The following LRBA variants were observed in gnomAD, a reference collection of about 807,000 sequenced individuals.
LRBA encodes the protein lipopolysaccharide-responsive and beige-like anchor protein.
Under a neutral mutation model 330.0 loss-of-function variants are expected in LRBA, and 176 were observed. That is an observed-to-expected ratio of 0.53 (90% confidence interval 0.47 to 0.60). The LOEUF (loss-of-function observed/expected upper bound fraction) is 0.60. Among genes scored for constraint, LRBA ranks in the 20% least tolerant of loss-of-function variants. LRBA has a pLI of 0.00. For missense variants in LRBA, 3,259 were observed against 3,444.8 expected, an observed-to-expected ratio of 0.95 and a Z score of 1.35; for synonymous variants, 1,230 against 1,193.0, an observed-to-expected ratio of 1.03 and a Z score of -0.64.
At chr4:150,614,066 G>A (rs986601400) in intron 37 of LRBA, among the ~76,000 whole-genome samples, 1 of 152,232 alleles carries the variant, frequency 6.6e-6, no homozygotes, top group Non-Finnish European at 1.5e-5. Flanking sequence ...CCCTTGAAAA[G>A]CATGCCATTC....
intron 2 of LRBA, among the ~76,000 whole-genome samples, chr4:150,949,965 C>T (rs1049469744): frequency 2.0e-5 from 3 of 152,128 alleles, no homozygotes; most frequent in Admixed American, 6.5e-5. Flanking sequence ...ATATATCCTA[C>T]TGACTCACAT....
chr4:150,782,340 AACTTGGTG>A (rs1738362330), intron 34 of LRBA, among the ~76,000 whole-genome samples: 1 of 152,226 alleles, frequency 6.6e-6, no homozygotes, highest in Non-Finnish European at 1.5e-5. Flanking sequence ...AATTGCCACA[AACTTGGTG>A]GCTTAAAGTA....
chr4:150,845,402 A>T (rs1376817761), intron 26 of LRBA, among the ~76,000 whole-genome samples: 3 of 152,190 alleles, frequency 2.0e-5, no homozygotes, highest in Admixed American at 6.5e-5. Flanking sequence ...TTTGATTAAT[A>T]TACAGTCTAA....
chr4:150,392,612 A>T (rs984834682), intron 47 of LRBA, among the ~76,000 whole-genome samples: 2 of 152,150 alleles, frequency 1.3e-5, no homozygotes, highest in East Asian at 3.9e-4. Context: ...TTCACTCATG[A>T]TTTGGCTCTC....
chr4:150,426,605 G>A (rs905725095), intron 46 of LRBA, among the ~76,000 whole-genome samples: 3 of 151,632 alleles, frequency 2.0e-5, no homozygotes, highest in Non-Finnish European at 4.4e-5. Flanking sequence ...ATCATTAGTA[G>A]GATTCATGAT....
intron 40 of LRBA, among the ~76,000 whole-genome samples, chr4:150,496,016 TAGAG>T (rs562262879): frequency 5.3e-5 from 8 of 152,164 alleles, no homozygotes; most frequent in Non-Finnish European, 1.0e-4. Context: ...GACAGTGTGT[TAGAG>T]AGGAGAGAAA....
intron 35 of LRBA, among the ~76,000 whole-genome samples, chr4:150,750,153 A>G (rs772553718): frequency 6.6e-6 from 1 of 152,234 alleles, no homozygotes; most frequent in Non-Finnish European, 1.5e-5. Flanking sequence ...GTTTACTCTC[A>G]TAACATTATC....
chr4:150,869,270 G>A (rs1317811899), intron 20 of LRBA, among the ~76,000 whole-genome samples: 6 of 152,046 alleles, frequency 3.9e-5, no homozygotes, highest in Admixed American at 2.0e-4. Context: ...AATCTTAAAA[G>A]TAAAATTAGA....
intron 13 of LRBA, among the ~76,000 whole-genome samples, chr4:150,903,956 T>C (rs1054350295): frequency 3.3e-5 from 5 of 152,144 alleles, no homozygotes; most frequent in Non-Finnish European, 7.4e-5. Flanking sequence ...CACCATAAAG[T>C]AGTCACTCAA....
chr4:150,469,485 G>A (rs1755833885), intron 43 of LRBA, among the ~76,000 whole-genome samples: 1 of 152,032 alleles, frequency 6.6e-6, no homozygotes, highest in Non-Finnish European at 1.5e-5. Context: ...CATTCAACAT[G>A]GGTTAATTGA....
intron 40 of LRBA, among the ~76,000 whole-genome samples, chr4:150,532,776 A>G (rs1764182290): frequency 6.6e-6 from 1 of 152,148 alleles, no homozygotes; most frequent in African/African-American, 2.4e-5. Context: ...AAGAAATTAA[A>G]TTTAATATGT....
intron 37 of LRBA, among the ~76,000 whole-genome samples, chr4:150,607,722 C>T (rs993367367): frequency 1.3e-5 from 2 of 151,164 alleles, no homozygotes; most frequent in Non-Finnish European, 3.0e-5. Flanking sequence ...GCCAACATGG[C>T]GAAACCCTCT....
At chr4:150,625,686 A>ATT (rs1463398816) in intron 37 of LRBA, among the ~76,000 whole-genome samples, 7 of 145,220 alleles carry the variant, frequency 4.8e-5, no homozygotes, top group East Asian at 1.9e-4. Flanking sequence ...TGGTACCGAG[A>ATT]TTATATATAT....
chr4:150,331,190 T>C (rs1733950760), intron 48 of LRBA, among the ~76,000 whole-genome samples: 1 of 152,188 alleles, frequency 6.6e-6, no homozygotes, highest in South Asian at 2.1e-4. Context: ...GTCCCTCAAG[T>C]GATTATGTTT....
intron 40 of LRBA, among the ~76,000 whole-genome samples, chr4:150,547,198 G>A (rs1765953453): frequency 6.6e-6 from 1 of 151,894 alleles, no homozygotes; most frequent in African/African-American, 2.4e-5. Context: ...CCTACTCATT[G>A]GTATTAGGTT....
chr4:150,425,385 C>CT (rs1749440337), intron 46 of LRBA, among the ~76,000 whole-genome samples: 1 of 152,196 alleles, frequency 6.6e-6, no homozygotes, highest in Non-Finnish European at 1.5e-5. Flanking sequence ...ATTTTAATCT[C>CT]TATCACTTAA....
chr4:150,940,987 C>T (rs1434258012), intron 2 of LRBA, among the ~76,000 whole-genome samples: 2 of 151,946 alleles, frequency 1.3e-5, no homozygotes, highest in South Asian at 2.1e-4. Flanking sequence ...AGTGTATCTA[C>T]TGACTCCTCA....
At chr4:150,976,908 A>T (rs896609968) in intron 2 of LRBA, among the ~76,000 whole-genome samples, 1 of 152,220 alleles carries the variant, frequency 6.6e-6, no homozygotes, top group Admixed American at 6.5e-5. Flanking sequence ...CCACCTACAG[A>T]GAGAGTATTA....
At chr4:150,606,234 G>A (rs555089753) in intron 37 of LRBA, among the ~76,000 whole-genome samples, 3 of 152,152 alleles carry the variant, frequency 2.0e-5, no homozygotes, top group East Asian at 3.9e-4. Flanking sequence ...ACCAGGGATT[G>A]AGTAAAGTTA....
Sources: allele counts gnomAD v4.1 joint callset (sites outside exome capture counted in the v4.1 genomes callset), GRCh38; gene constraint gnomAD v4.1.1; transcripts MANE v1.5; gene names NCBI Gene and HGNC (gene_info 2026-07-23, HGNC 2026-07-21).